FOXP1: variants seen among roughly 807,000 people sequenced by gnomAD.
FOXP1 encodes the protein forkhead box protein P1.
FOXP1 carries 15 observed loss-of-function variants against 98.2 expected under a neutral mutation model. That is an observed-to-expected ratio of 0.15 (90% CI 0.10 to 0.24). The LOEUF (loss-of-function observed/expected upper bound fraction) is 0.24. Among genes scored for constraint, FOXP1 ranks in the 10% least tolerant of loss-of-function variants. The probability of loss-of-function intolerance (pLI) is 1.00; values close to 1 mark genes in which losing one functional copy is unlikely to be tolerated. For synonymous variants in FOXP1, 371 were observed against 314.5 expected (o/e 1.18, Z -1.90); for missense variants, 633 against 848.5 (o/e 0.75, Z 3.15).
At chr3:71,408,793 C>G (rs2082524008) in intron 3 of FOXP1, among the ~76,000 whole-genome samples, 1 of 152,094 alleles carries the variant, frequency 6.6e-6, no homozygotes, top group South Asian at 2.1e-4. Context: ...CATAAAGATC[C>G]CGGTTTCTAA....
intron 5 of FOXP1, among the ~76,000 whole-genome samples, chr3:71,203,040 C>T (rs77239379): frequency 0.021 from 3,212 of 152,276 alleles, 42 homozygotes; most frequent in Non-Finnish European, 0.035. Flanking sequence ...GACATACTGA[C>T]AGCAGGAAAC....
At chr3:71,400,928 G>A (rs576827939) in intron 3 of FOXP1, among the ~76,000 whole-genome samples, 35 of 152,186 alleles carry the variant, frequency 2.3e-4, no homozygotes, top group African/African-American at 7.7e-4. Context: ...ACATAAGGAG[G>A]AGGGAAGTCT....
intron 2 of FOXP1, chr3:71,572,225 C>G (rs1389036264): frequency 1.3e-5 from 2 of 152,162 alleles, no homozygotes; most frequent in Non-Finnish European, 2.9e-5. Flanking sequence ...TGTAAGAGAT[C>G]AGCCACTTGA....
chr3:71,201,845 T>A (rs990346239), intron 5 of FOXP1, among the ~76,000 whole-genome samples: 4 of 152,194 alleles, frequency 2.6e-5, no homozygotes, highest in African/African-American at 9.6e-5. Context: ...TACCTTCCCA[T>A]ACCAGGGACT....
chr3:71,056,593 G>A (rs1021975912), intron 7 of FOXP1, among the ~76,000 whole-genome samples: 4 of 152,142 alleles, frequency 2.6e-5, no homozygotes, highest in African/African-American at 4.8e-5. Context: ...AATCAGAAGT[G>A]GGCTATTATA....
At chr3:71,512,963 C>T (rs914515789) in intron 2 of FOXP1, among the ~76,000 whole-genome samples, 3 of 152,186 alleles carry the variant, frequency 2.0e-5, no homozygotes, top group Non-Finnish European at 2.9e-5. Context: ...CATCTCCTTA[C>T]ACGGCAAACA....
intron 2 of FOXP1, among the ~76,000 whole-genome samples, chr3:71,562,931 G>A (rs973199054): frequency 3.3e-5 from 5 of 152,074 alleles, no homozygotes; most frequent in East Asian, 3.9e-4. Context: ...TCATGCAATC[G>A]CTCCCTGTTC....
At chr3:71,248,615 C>G (rs2067939011) in intron 5 of FOXP1, among the ~76,000 whole-genome samples, 1 of 152,050 alleles carries the variant, frequency 6.6e-6, no homozygotes, top group African/African-American at 2.4e-5. Context: ...GTGGCGCGCA[C>G]ATGTAATCCC....
intron 3 of FOXP1, among the ~76,000 whole-genome samples, chr3:71,360,204 G>A (rs1220630645): frequency 2.0e-5 from 3 of 152,158 alleles, no homozygotes; most frequent in Non-Finnish European, 2.9e-5. Flanking sequence ...CATGAGTTTT[G>A]ATCTTTTAGC....
intron 11 of FOXP1, among the ~76,000 whole-genome samples, chr3:71,028,871 C>G (rs952124342): frequency 6.6e-6 from 1 of 152,208 alleles, no homozygotes; most frequent in Non-Finnish European, 1.5e-5. Flanking sequence ...AAGGAGCACA[C>G]AACCTAGATT....
At chr3:71,434,321 G>C (rs1477831876) in intron 3 of FOXP1, among the ~76,000 whole-genome samples, 2 of 151,734 alleles carry the variant, frequency 1.3e-5, no homozygotes, top group African/African-American at 4.9e-5. Context: ...AGCTTCAGAA[G>C]ACACCTCCTT....
chr3:71,086,974 T>C (rs759099186), intron 7 of FOXP1, among the ~76,000 whole-genome samples: 49 of 152,154 alleles, frequency 3.2e-4, no homozygotes, highest in Non-Finnish European at 6.3e-4. Context: ...AAGCTACATG[T>C]GTGTTCACAG....
chr3:71,329,456 G>C (rs1056677990), intron 4 of FOXP1, among the ~76,000 whole-genome samples: 2 of 85,852 alleles, frequency 2.3e-5, no homozygotes, highest in East Asian at 1.1e-3. Context: ...CTCCTACCTC[G>C]TGATCACCCG....
intron 6 of FOXP1, among the ~76,000 whole-genome samples, chr3:71,148,860 T>A (rs2060442332): frequency 6.6e-6 from 1 of 152,178 alleles, no homozygotes; most frequent in Non-Finnish European, 1.5e-5. Context: ...AGCACTCTAC[T>A]CAAAAGAGAA....
At chr3:70,971,365 C>A in intron 18 of FOXP1, 1 of 163,806 alleles carries the variant, frequency 6.1e-6, no homozygotes, top group Non-Finnish European at 1.3e-5. Flanking sequence ...ATGTCTTAGC[C>A]AGATCTGGGA....
chr3:71,198,756 A>C (rs957255719), intron 5 of FOXP1, among the ~76,000 whole-genome samples: 2 of 151,614 alleles, frequency 1.3e-5, no homozygotes, highest in Admixed American at 1.3e-4. Context: ...GCAGCGGTGC[A>C]ATCTCGGCTC....
intron 6 of FOXP1, among the ~76,000 whole-genome samples, chr3:71,152,042 T>G (rs1486428100): frequency 6.6e-6 from 1 of 152,230 alleles, no homozygotes; most frequent in East Asian, 1.9e-4. Context: ...ATCAGTTGAC[T>G]CTGAGTTAAT....
chr3:71,217,318 C>T (rs1168831472), intron 5 of FOXP1, among the ~76,000 whole-genome samples: 2 of 152,236 alleles, frequency 1.3e-5, no homozygotes, highest in East Asian at 3.9e-4. Context: ...AGTGATCCAC[C>T]CGCCTTGGCC....
At chr3:71,371,957 G>A (rs1360749447) in intron 3 of FOXP1, among the ~76,000 whole-genome samples, 1 of 151,968 alleles carries the variant, frequency 6.6e-6, no homozygotes, top group Non-Finnish European at 1.5e-5. Flanking sequence ...TTCTCTGCAG[G>A]AAAGGTTCTT....
Sources: gnomAD v4.1 joint callset for allele counts (sites outside exome capture counted in the v4.1 genomes callset) on GRCh38, gnomAD v4.1.1 for gene constraint, MANE v1.5 for transcripts, NCBI Gene and HGNC (gene_info 2026-07-23, HGNC 2026-07-21) for gene names.